HORMAD2: variants seen among roughly 807,000 people sequenced by gnomAD.
The protein encoded by HORMAD2 is HORMA domain containing 2.
Under a neutral mutation model 38.8 loss-of-function variants are expected in HORMAD2, and 45 were observed. The observed-to-expected ratio is 1.16, with a 90% CI of 0.91 to 1.49. The LOEUF (loss-of-function observed/expected upper bound fraction) is 1.49, where lower values mean the gene tolerates loss of function less well. HORMAD2 is among the 40% of genes most tolerant of loss of function. The probability of loss-of-function intolerance (pLI) is 0.00; values close to 1 mark genes in which losing one functional copy is unlikely to be tolerated. For missense variants in HORMAD2, 338 were observed against 367.0 expected, an observed-to-expected ratio of 0.92 and a Z score of 0.65; for synonymous variants, 126 against 122.8, an observed-to-expected ratio of 1.03 and a Z score of -0.17.
chr22:30,183,261 C>G, the HORMAD2 span, among the ~76,000 whole-genome samples: 140,753 of 152,294 alleles, frequency 0.92, 65,109 homozygotes, highest in East Asian at 1. Context: ...ATCAGGGAAA[C>G]AATTGTTTGA....
rs146875755 is a variant in HORMAD2 at position 30,094,302 on chromosome 22, T to C, written c.51+299T>C. Among the ~76,000 whole-genome samples the C allele has an allele frequency of 8.8e-3, 1,336 of 152,296 alleles. 23 individuals are homozygous for C. Among genetic ancestry groups the C allele is most frequent in the Middle Eastern group, 0.014 (4 of 294 alleles). On this transcript the variant is annotated intron_variant, in intron 2 of 10. Transcript: ENST00000336726. ...GATGTTTAAAGAGAATGGTTCTTGG[T>C]TAGACATTCACTTCCTAAAGTGTTA... is the stretch of plus-strand genomic sequence containing the variant.
At chr22:30,081,678 C>G in intron 1 of HORMAD2, among the ~76,000 whole-genome samples, 1 of 152,034 alleles carries the variant, frequency 6.6e-6, no homozygotes, top group African/African-American at 2.4e-5. Flanking sequence ...CGGGTTCAAG[C>G]GATTCCCCTG....
intron 7 of HORMAD2, among the ~76,000 whole-genome samples, chr22:30,118,758 A>T (rs1467395091): frequency 6.6e-6 from 1 of 152,206 alleles, no homozygotes; most frequent in Non-Finnish European, 1.5e-5. Context: ...AAATGGTAAT[A>T]ATAGTATCTT....
the HORMAD2 span, among the ~76,000 whole-genome samples, chr22:30,201,662 C>T: frequency 6.6e-5 from 10 of 152,130 alleles, no homozygotes; most frequent in South Asian, 2.1e-4. Flanking sequence ...ATGATCCGCC[C>T]GCCTCGGCCT....
intron 3 of HORMAD2, among the ~76,000 whole-genome samples, chr22:30,100,477 A>G (rs1920935278): frequency 6.6e-6 from 1 of 152,232 alleles, no homozygotes; most frequent in Non-Finnish European, 1.5e-5. Context: ...AAAACCATAA[A>G]AACCCTAGAA....
At chr22:30,130,018 AT>A (rs552348148) in intron 10 of HORMAD2, among the ~76,000 whole-genome samples, 1 of 152,234 alleles carries the variant, frequency 6.6e-6, no homozygotes, top group South Asian at 2.1e-4. Flanking sequence ...TAACTCAAAG[AT>A]TTTTTAAAAC....
At chr22:30,133,915 T>G (rs1375381838) in intron 10 of HORMAD2, among the ~76,000 whole-genome samples, 1 of 152,060 alleles carries the variant, frequency 6.6e-6, no homozygotes, top group Non-Finnish European at 1.5e-5. Flanking sequence ...TGAAACCAAT[T>G]CCTCATGGAT....
chr22:30,161,719 T>TTATTG (rs1287441990), intron 10 of HORMAD2, among the ~76,000 whole-genome samples: 1 of 152,112 alleles, frequency 6.6e-6, no homozygotes, highest in Non-Finnish European at 1.5e-5. Context: ...AACATTATTT[T>TTATTG]TTTAAATGTT....
chr22:30,181,418 G>A (rs1284387351), downstream of HORMAD2, among the ~76,000 whole-genome samples: 1 of 151,964 alleles, frequency 6.6e-6, no homozygotes, highest in East Asian at 1.9e-4. Context: ...TCTGTTCTCA[G>A]AACCCTCCCC....
At chr22:30,085,187 A>G (rs558579974) in intron 1 of HORMAD2, among the ~76,000 whole-genome samples, 2 of 151,984 alleles carry the variant, frequency 1.3e-5, no homozygotes, top group Non-Finnish European at 2.9e-5. Flanking sequence ...AAAAGATCAC[A>G]TATTGTATGG....
chr22:30,117,908 C>T (rs1321833138), intron 7 of HORMAD2, among the ~76,000 whole-genome samples: 1 of 152,168 alleles, frequency 6.6e-6, no homozygotes, highest in Non-Finnish European at 1.5e-5. Flanking sequence ...GAGCAGATAG[C>T]AGTAGTAGCA....
chr22:30,120,629 C>A lies in HORMAD2; in HGVS notation c.411-1003C>A, dbSNP rs550951406. Among the ~76,000 whole-genome samples the A allele has an allele frequency of 5.3e-5, 8 of 150,844 alleles. No homozygotes were observed. In the East Asian group the frequency reaches 1.4e-3, roughly 26 times the overall value. On this transcript the variant is annotated intron_variant, in intron 8 of 10. Coordinates refer to ENST00000336726, the MANE Select transcript of HORMAD2 (RefSeq NM_152510.4). ...GGTAATTTAGTCCAAATTGTTCATT[C>A]ATTCATTAATTCAACAAATGTTGAT...
downstream of HORMAD2, among the ~76,000 whole-genome samples, chr22:30,181,428 C>G (rs763723327): frequency 2.6e-5 from 4 of 152,130 alleles, no homozygotes; most frequent in African/African-American, 9.7e-5. Flanking sequence ...GAACCCTCCC[C>G]ACTCCTTTCC....
chr22:30,165,183 CTA>C (rs1407905398), intron 10 of HORMAD2, among the ~76,000 whole-genome samples: 1 of 152,146 alleles, frequency 6.6e-6, no homozygotes, highest in East Asian at 1.9e-4. Flanking sequence ...GTTGAAAAGA[CTA>C]TCTTTCCTCA....
At chr22:30,164,417 C>T in intron 10 of HORMAD2, among the ~76,000 whole-genome samples, 1 of 152,188 alleles carries the variant, frequency 6.6e-6, no homozygotes, top group East Asian at 1.9e-4. Context: ...TTTCTACCAG[C>T]AATGCACAAG....
intron 1 of HORMAD2, among the ~76,000 whole-genome samples, chr22:30,085,147 A>G (rs553421715): frequency 6.1e-5 from 9 of 148,466 alleles, no homozygotes; most frequent in Middle Eastern, 7.0e-3. Context: ...CTCCGTCTCA[A>G]AAAAAAAAAA....
chr22:30,104,517 G>A (rs1186901240), intron 5 of HORMAD2, 80 bp downstream of exon 5: 1 of 1,237,222 alleles, frequency 8.1e-7, no homozygotes, highest in Non-Finnish European at 1.2e-6. Flanking sequence ...CATTTATTTT[G>A]TTTTTGTGTT....
At chr22:30,201,180 A>G in the HORMAD2 span, among the ~76,000 whole-genome samples, 3 of 152,024 alleles carry the variant, frequency 2.0e-5, no homozygotes, top group Admixed American at 2.0e-4. Context: ...GTTGCTGACA[A>G]TCCTTGGTGA....
intron 10 of HORMAD2, among the ~76,000 whole-genome samples, chr22:30,175,853 C>T (rs968146557): frequency 2.0e-5 from 3 of 152,178 alleles, no homozygotes; most frequent in Admixed American, 2.0e-4. Context: ...CTGGCTGCCT[C>T]CAAGGGACCT....
Sources: allele counts gnomAD v4.1 joint callset (sites outside exome capture counted in the v4.1 genomes callset), GRCh38; gene constraint gnomAD v4.1.1; transcripts MANE v1.5; gene names NCBI Gene and HGNC (gene_info 2026-07-23, HGNC 2026-07-21).